The following PTPRD variants were observed in gnomAD, a reference collection of about 807,000 sequenced individuals.
PTPRD encodes the protein receptor-type tyrosine-protein phosphatase delta.
PTPRD carries 34 observed loss-of-function variants against 214.5 expected under a neutral mutation model. The observed-to-expected ratio is 0.16, with a 90% confidence interval of 0.12 to 0.21. The LOEUF (loss-of-function observed/expected upper bound fraction) is 0.21, where lower values mean the gene tolerates loss of function less well. Among genes scored for constraint, PTPRD ranks in the 10% least tolerant of loss-of-function variants. The probability of loss-of-function intolerance (pLI) is 1.00; values close to 1 mark genes in which losing one functional copy is unlikely to be tolerated. For synonymous variants in PTPRD, 1,128 were observed against 845.7 expected (o/e 1.33, Z -5.79); for missense variants, 2,545 against 2,398.7 (o/e 1.06, Z -1.27).
chr9:8,746,167 C>T lies in PTPRD; in HGVS notation c.-103-12221G>A, dbSNP rs577350043. Among the ~76,000 whole-genome samples the T allele has an allele frequency of 4.1e-4, 62 of 151,726 alleles. 1 individual carries two copies. The highest frequency in any genetic ancestry group is 5.8e-4 in the African/African-American group (24 of 41,348). ...TTGAGTAATTGTGACAAGGTGGGAA[C>T]GGGTTAGATTCTGAATTCACAGAGT... On this transcript the variant is annotated intron_variant, in intron 11 of 45. Coordinates refer to ENST00000381196, the MANE Select transcript of PTPRD (RefSeq NM_002839.4).
At chr9:8,567,171 AC>A (rs2089562009) in intron 14 of PTPRD, among the ~76,000 whole-genome samples, 1 of 152,204 alleles carries the variant, frequency 6.6e-6, no homozygotes, top group Non-Finnish European at 1.5e-5. Context: ...AATGCAAAAA[AC>A]ACAAACAATG....
At chr9:8,682,141 A>ATG (rs2097563313) in intron 12 of PTPRD, among the ~76,000 whole-genome samples, 1 of 152,194 alleles carries the variant, frequency 6.6e-6, no homozygotes, top group Non-Finnish European at 1.5e-5. Context: ...TAACCACACA[A>ATG]TGTGCAGAAT....
chr9:9,629,636 A>G (rs927954202), intron 7 of PTPRD, among the ~76,000 whole-genome samples: 2 of 152,200 alleles, frequency 1.3e-5, no homozygotes, highest in Admixed American at 6.5e-5. Context: ...AGATCAGATA[A>G]CTTGATCTAA....
intron 3 of PTPRD, among the ~76,000 whole-genome samples, chr9:10,067,408 T>C (rs542825273): frequency 5.2e-4 from 79 of 152,018 alleles, no homozygotes; most frequent in African/African-American, 1.9e-3. Context: ...TTCAAAGATA[T>C]TGTTTTTCCA....
At chr9:9,617,666 T>C (rs754438343) in intron 7 of PTPRD, among the ~76,000 whole-genome samples, 52 of 152,074 alleles carry the variant, frequency 3.4e-4, no homozygotes, top group Non-Finnish European at 5.7e-4. Flanking sequence ...AACCAGAGCA[T>C]AGTATTTGAA....
intron 3 of PTPRD, among the ~76,000 whole-genome samples, chr9:10,295,590 T>C (rs909889717): frequency 6.6e-6 from 1 of 152,108 alleles, no homozygotes; most frequent in South Asian, 2.1e-4. Flanking sequence ...CTTATTTGTT[T>C]ACATCACTCT....
chr9:9,935,388 C>T (rs1602856370), intron 5 of PTPRD, among the ~76,000 whole-genome samples: 6 of 152,100 alleles, frequency 3.9e-5, no homozygotes, highest in Admixed American at 3.9e-4. Flanking sequence ...TCTCAGGATA[C>T]AAAATCAATG....
intron 4 of PTPRD, among the ~76,000 whole-genome samples, chr9:9,941,501 T>A (rs946513163): frequency 6.6e-6 from 1 of 152,170 alleles, no homozygotes; most frequent in Non-Finnish European, 1.5e-5. Context: ...TTTTGTATTT[T>A]TAGTAGAGAT....
At position 9,218,035 on chromosome 9, in the gene PTPRD, C is replaced by T. The variant is rs147310696; in HGVS notation, c.-202-34672G>A. ...GTTTGTTTCTGAGCCCTCTGGGGTC[C>T]GAAAATAGAACATATAACTATCTGT... is the stretch of plus-strand genomic sequence containing the variant. On this transcript the variant is annotated intron_variant, in intron 9 of 45. Coordinates refer to ENST00000381196, the MANE Select transcript of PTPRD (RefSeq NM_002839.4). Among the ~76,000 whole-genome samples, 308 of 152,088 alleles carry T rather than the reference C, an allele frequency of 2.0e-3. 2 individuals are homozygous for T. The highest frequency in any genetic ancestry group is 6.7e-3 in the African/African-American group (279 of 41,472).
intron 12 of PTPRD, among the ~76,000 whole-genome samples, chr9:8,696,917 A>C (rs528373102): frequency 1.0e-3 from 155 of 152,334 alleles, no homozygotes; most frequent in Admixed American, 2.5e-3. Context: ...GCACAGAAGA[A>C]AGAGATGATA....
chr9:8,473,169 C>T (rs2381803), intron 30 of PTPRD, among the ~76,000 whole-genome samples: 37,668 of 152,080 alleles, frequency 0.25, 4,733 homozygotes, highest in East Asian at 0.33. Context: ...AACCAGACAA[C>T]TATACCACAA....
At chr9:8,730,896 C>A (rs1204009140) in intron 12 of PTPRD, among the ~76,000 whole-genome samples, 1 of 151,694 alleles carries the variant, frequency 6.6e-6, no homozygotes, top group East Asian at 1.9e-4. Context: ...ACTGTCCAGA[C>A]ATGCATTCAA....
chr9:10,322,886 T>C (rs2096577132), intron 3 of PTPRD, among the ~76,000 whole-genome samples: 1 of 152,038 alleles, frequency 6.6e-6, no homozygotes, highest in Non-Finnish European at 1.5e-5. Flanking sequence ...AAGATGTTGA[T>C]CTGTGTTACC....
At chr9:8,580,008 G>C (rs1249365014) in intron 14 of PTPRD, among the ~76,000 whole-genome samples, 1 of 152,028 alleles carries the variant, frequency 6.6e-6, no homozygotes, top group Non-Finnish European at 1.5e-5. Context: ...CATTCATCAG[G>C]GTTTGCAGGG....
intron 5 of PTPRD, among the ~76,000 whole-genome samples, chr9:9,807,940 A>C (rs2045946781): frequency 6.6e-6 from 1 of 152,198 alleles, no homozygotes; most frequent in East Asian, 1.9e-4. Context: ...TTTCATATTG[A>C]AAGTCAGATT....
At chr9:9,144,699 C>T (rs144103046) in intron 10 of PTPRD, among the ~76,000 whole-genome samples, 299 of 151,940 alleles carry the variant, frequency 2.0e-3, no homozygotes, top group African/African-American at 6.2e-3. Flanking sequence ...GTTGCAGTGA[C>T]GTGAGATTGT....
intron 7 of PTPRD, among the ~76,000 whole-genome samples, chr9:9,583,333 C>G (rs2091249839): frequency 6.6e-6 from 1 of 151,970 alleles, no homozygotes; most frequent in African/African-American, 2.4e-5. Context: ...CATTACTACT[C>G]AGAAAAATGC....
Position 10,477,531 on chromosome 9 carries a change from C to T in PTPRD, c.-600+134867G>A, listed in dbSNP as rs547248827. Among the ~76,000 whole-genome samples the T allele has an allele frequency of 5.5e-4, 83 of 152,080 alleles. 1 individual carries two copies. In the South Asian group the frequency reaches 0.012, roughly 22 times the overall value. ...AATAAGAATGCTTTTACACTGTTGG[C>T]GGGAGAGTAAATTAGTTCGACCATT... On this transcript the variant is annotated intron_variant, in intron 2 of 45. Transcript: ENST00000381196.
intron 14 of PTPRD, among the ~76,000 whole-genome samples, chr9:8,563,095 T>C (rs1189643745): frequency 2.0e-5 from 3 of 152,168 alleles, no homozygotes; most frequent in Non-Finnish European, 4.4e-5. Flanking sequence ...CATGAGTGAA[T>C]ATAGAAATAA....
Sources: allele counts gnomAD v4.1 joint callset (sites outside exome capture counted in the v4.1 genomes callset), GRCh38; gene constraint gnomAD v4.1.1; transcripts MANE v1.5; gene names NCBI Gene and HGNC (gene_info 2026-07-23, HGNC 2026-07-21).